TNKS: variants seen among roughly 807,000 people sequenced by gnomAD.
TNKS encodes poly [ADP-ribose] polymerase tankyrase-1.
A neutral mutation model predicts 135.8 loss-of-function variants in TNKS; 72 were observed. The observed-to-expected ratio is 0.53, with a 90% CI of 0.44 to 0.64. The LOEUF (loss-of-function observed/expected upper bound fraction) is 0.64, where lower values mean the gene tolerates loss of function less well. TNKS is among the 30% of genes least tolerant of loss of function. The probability of loss-of-function intolerance (pLI) is 0.00; values close to 1 mark genes in which losing one functional copy is unlikely to be tolerated. For missense variants in TNKS, 1,769 were observed against 1,674.0 expected (o/e 1.06, Z -0.99); for synonymous variants, 849 against 649.3 (o/e 1.31, Z -4.68).
chr8:9,702,481 A>C (rs1221660640), intron 5 of TNKS, among the ~76,000 whole-genome samples: 1 of 152,212 alleles, frequency 6.6e-6, no homozygotes, highest in East Asian at 1.9e-4. Context: ...CTAGGCTTGA[A>C]ACAAAGCAAG....
chr8:9,730,901 C>T lies in TNKS; in HGVS notation c.2013C>T (p.Ser671=). The change falls in exon 14 of 27, where the codon AGC becomes AGT. Residue 671 remains serine (S), a synonymous_variant. Coordinates refer to ENST00000310430, the MANE Select transcript of TNKS (RefSeq NM_003747.3). The stretch of plus-strand genomic sequence containing the variant: ...GTGCACCACGAAAGCAACTTTGCAG[C>T]TCTCAAAATGTGAATTGTAGAGACT... ...GDLETVKQLC[S]SQNVNCRDLE... 6.2e-7 allele frequency: 1 copy of T among 1,612,718 alleles called. No homozygotes were observed.
chr8:9,632,237 T>C (rs1381154079), intron 3 of TNKS, among the ~76,000 whole-genome samples: 1 of 152,224 alleles, frequency 6.6e-6, no homozygotes, highest in Admixed American at 6.5e-5. Flanking sequence ...ATTTTATGAG[T>C]CATATGTCAT....
At chr8:9,776,552 T>C in intron 26 of TNKS, 98 bp from the exon 27 acceptor site, 1 of 1,058,516 alleles carries the variant, frequency 9.4e-7, no homozygotes. Flanking sequence ...TATAGAATAT[T>C]GGTCACGATT....
chr8:9,732,677 T>C (rs1187715791), intron 14 of TNKS, among the ~76,000 whole-genome samples: 3 of 152,216 alleles, frequency 2.0e-5, no homozygotes, highest in African/African-American at 7.2e-5. Flanking sequence ...GGAGCATCTT[T>C]TTGTCCTTTT....
At position 9,616,923 on chromosome 8, in the gene TNKS, A is replaced by C. The variant is rs148833659; in HGVS notation, c.994+1246A>C. 1.6e-3 allele frequency among the ~76,000 whole-genome samples: 243 copies of C among 152,314 alleles called. 1 individual carries two copies. The highest frequency in any genetic ancestry group is 5.5e-3 in the African/African-American group (228 of 41,570). On this transcript the variant is annotated intron_variant, in intron 3 of 26. Transcript: ENST00000310430. Reference sequence around the variant, plus strand: ...CAGTCTCTTAACAAAGCCCTGGGCAACAATAGCAGCTTTAGAGTGGTCTCT... The same window carrying C: ...CAGTCTCTTAACAAAGCCCTGGGCACCAATAGCAGCTTTAGAGTGGTCTCT...
chr8:9,742,917 T>G (rs1806043006), intron 17 of TNKS, among the ~76,000 whole-genome samples: 1 of 151,960 alleles, frequency 6.6e-6, no homozygotes. Flanking sequence ...TGTCTCCCCT[T>G]AAGAGTAGAT....
intron 12 of TNKS, among the ~76,000 whole-genome samples, chr8:9,724,342 A>G (rs955421739): frequency 1.3e-5 from 2 of 152,098 alleles, no homozygotes; most frequent in African/African-American, 4.8e-5. Context: ...GGTCCCAACT[A>G]CTCAGGAGGC....
At chr8:9,571,723 C>G (rs1254808490) in intron 1 of TNKS, among the ~76,000 whole-genome samples, 1 of 152,150 alleles carries the variant, frequency 6.6e-6, no homozygotes, top group Non-Finnish European at 1.5e-5. Flanking sequence ...CTCAGCCTAC[C>G]AAAGTGCTGG....
rs1211887705 is a variant in TNKS at position 9,778,102 on chromosome 8, T to A, written c.*1366T>A. 1 of 152,146 alleles carries A rather than the reference T, an allele frequency of 6.6e-6. No homozygotes were observed. The highest frequency in any genetic ancestry group is 1.5e-5 in the Non-Finnish European group (1 of 68,002). 9.4% of individuals were successfully genotyped at this position (152,146 alleles called of 1,614,324 possible). ...CATACAATTTTCTTTGTGAAATTAC[T>A]GTTTATTTTCATCAACATTTACCAA... On this transcript the variant is annotated 3_prime_UTR_variant, in exon 27 of 27. Coordinates refer to ENST00000310430, the MANE Select transcript of TNKS (RefSeq NM_003747.3).
intron 3 of TNKS, among the ~76,000 whole-genome samples, chr8:9,668,141 T>G (rs1476658650): frequency 1.3e-5 from 2 of 152,204 alleles, no homozygotes; most frequent in Non-Finnish European, 2.9e-5. Context: ...GGAAAAATCA[T>G]TCGGAATCAT....
intron 2 of TNKS, among the ~76,000 whole-genome samples, chr8:9,583,907 G>T (rs1798266225): frequency 1.3e-5 from 2 of 151,454 alleles, no homozygotes; most frequent in Non-Finnish European, 1.5e-5. Flanking sequence ...GCTCACTCCT[G>T]TAATCCCAGT....
rs869271760 is a variant in TNKS at position 9,736,084 on chromosome 8, TA to T, written c.2643+600del. ...GTTTATATTTATCAATATTGTAATA[TA>T]ATATATATAATGTAAAATAATATAA... On this transcript the variant is annotated intron_variant, in intron 17 of 26. Coordinates refer to ENST00000310430, the MANE Select transcript of TNKS (RefSeq NM_003747.3). Among the ~76,000 whole-genome samples, 19 of 14,500 alleles carry T rather than the reference TA, an allele frequency of 1.3e-3. No individual in the cohort carries two copies. The East Asian group carries it at 0.036, about 28-fold the overall frequency. The allele number at this position is 14,500 out of a possible 152,430, so 9.5% of individuals were successfully genotyped here. A position where few individuals can be genotyped will look rare whatever the true frequency, so the allele number is the denominator to read the frequency against.
chr8:9,670,420 A>G (rs1442183840), intron 3 of TNKS, among the ~76,000 whole-genome samples: 1 of 152,224 alleles, frequency 6.6e-6, no homozygotes, highest in Non-Finnish European at 1.5e-5. Flanking sequence ...ATGAAGCCAC[A>G]TATCAGCTGT....
intron 13 of TNKS, among the ~76,000 whole-genome samples, chr8:9,728,897 A>G (rs758587740): frequency 6.6e-6 from 1 of 152,056 alleles, no homozygotes; most frequent in Non-Finnish European, 1.5e-5. Context: ...TTTTTATCCT[A>G]CCTGTGTGAA....
Position 9,748,163 on chromosome 8 carries a change from A to T in TNKS, c.2783A>T (p.Asp928Val). ...GCCCTCCTCCTAGCGCATGGTGCAG[A>T]CCCCACCATGAAGAACCAGGAAGGC... ...LCALLLAHGA[D>V]PTMKNQEGQT... Residue 928 changes from aspartate to valine, a missense_variant, in exon 18 of 27, where the codon GAC (aspartate) becomes GTC (valine). Asp to Val is a radical substitution (Grantham distance 152). This residue lies in a region of TNKS where 722 missense variants were observed against 688.9 expected (regional missense o/e 1.05). Coordinates refer to ENST00000310430, the MANE Select transcript of TNKS (RefSeq NM_003747.3). 6.2e-7 allele frequency: 1 copy of T among 1,601,806 alleles called. No homozygotes were observed. Among genetic ancestry groups the T allele is most frequent in the Non-Finnish European group, 8.5e-7 (1 of 1,174,246 alleles).
intron 1 of TNKS, chr8:9,575,133 C>G (rs769515660): frequency 1.1e-6 from 1 of 934,328 alleles, no homozygotes; most frequent in Non-Finnish European, 1.3e-6. Context: ...GTTGCCCAGG[C>G]TGGAGTATAG....
At chr8:9,652,200 T>A (rs1214474716) in intron 3 of TNKS, among the ~76,000 whole-genome samples, 1 of 152,216 alleles carries the variant, frequency 6.6e-6, no homozygotes, top group African/African-American at 2.4e-5. Context: ...TGACAGGAAC[T>A]TATTACCAAT....
At chr8:9,560,885 T>G (rs1797301906) in intron 1 of TNKS, among the ~76,000 whole-genome samples, 1 of 152,196 alleles carries the variant, frequency 6.6e-6, no homozygotes, top group African/African-American at 2.4e-5. Context: ...AGAGAACTTT[T>G]AGTTAGAAAG....
chr8:9,656,174 G>A (rs920609431), intron 3 of TNKS, among the ~76,000 whole-genome samples: 16 of 152,148 alleles, frequency 1.1e-4, no homozygotes, highest in African/African-American at 2.9e-4. Flanking sequence ...GAAATGAAGC[G>A]AGAAGAGAAG....
Sources: allele counts gnomAD v4.1 joint callset (sites outside exome capture counted in the v4.1 genomes callset), GRCh38; gene constraint gnomAD v4.1.1; regional missense constraint gnomAD v4.1.1; transcripts MANE v1.5; gene names NCBI Gene and HGNC (gene_info 2026-07-23, HGNC 2026-07-21).